Variants in CNTNAP5 observed in about 807,000 individuals in gnomAD.
CNTNAP5 encodes the protein contactin associated protein family member 5, also known as contactin-associated protein-like 5.
In CNTNAP5, 72 loss-of-function variants were observed where a neutral mutation model predicts 150.2. The ratio of observed to expected loss-of-function variants is 0.48; its 90% confidence interval spans 0.40 to 0.58. The LOEUF (loss-of-function observed/expected upper bound fraction) is 0.58, where lower values mean the gene tolerates loss of function less well. Ranked by LOEUF, CNTNAP5 falls within the 20% of genes least tolerant of loss-of-function variation. The pLI, the probability that CNTNAP5 is intolerant of heterozygous loss-of-function variation, is 0.00. For synonymous variants in CNTNAP5, 672 were observed against 619.8 expected, an observed-to-expected ratio of 1.08 and a Z score of -1.25; for missense variants, 1,636 against 1,626.2, an observed-to-expected ratio of 1.01 and a Z score of -0.10.
chr2:124,599,128 T>C (rs1216492827), intron 11 of CNTNAP5, among the ~76,000 whole-genome samples: 2 of 152,192 alleles, frequency 1.3e-5, no homozygotes, highest in Non-Finnish European at 2.9e-5. Context: ...CTGGGAGCTG[T>C]AGACCGGAGC....
At chr2:124,735,658 A>G (rs533521137) in intron 13 of CNTNAP5, among the ~76,000 whole-genome samples, 1 of 152,320 alleles carries the variant, frequency 6.6e-6, no homozygotes, top group South Asian at 2.1e-4. Flanking sequence ...TCCCTTCTCT[A>G]ATAGGACCAG....
chr2:124,242,594 A>C (rs1413480163), intron 3 of CNTNAP5, among the ~76,000 whole-genome samples: 1 of 152,054 alleles, frequency 6.6e-6, no homozygotes, highest in Non-Finnish European at 1.5e-5. Flanking sequence ...TGTCGCAAAT[A>C]GTTTAGTATG....
chr2:124,537,955 C>T (rs1453975983), intron 10 of CNTNAP5, among the ~76,000 whole-genome samples: 2 of 152,182 alleles, frequency 1.3e-5, no homozygotes, highest in East Asian at 3.9e-4. Flanking sequence ...GCCCACCAGA[C>T]GGTGGTGAGA....
At chr2:124,128,369 C>T (rs1217145228) in intron 1 of CNTNAP5, among the ~76,000 whole-genome samples, 2 of 152,184 alleles carry the variant, frequency 1.3e-5, no homozygotes, top group South Asian at 4.1e-4. Flanking sequence ...GAGATACCAT[C>T]TCATACCAGT....
chr2:124,287,628 A>G (rs1688187300), intron 3 of CNTNAP5, among the ~76,000 whole-genome samples: 2 of 152,146 alleles, frequency 1.3e-5, no homozygotes, highest in South Asian at 2.1e-4. Flanking sequence ...ACCTACCATA[A>G]TATGAGTCTG....
chr2:124,501,408 T>C (rs1357890345), intron 7 of CNTNAP5, among the ~76,000 whole-genome samples: 2 of 152,172 alleles, frequency 1.3e-5, no homozygotes, highest in African/African-American at 2.4e-5. Flanking sequence ...TTCTCGGGAA[T>C]AGGAGGAATG....
At chr2:124,499,984 A>G (rs1475099152) in intron 7 of CNTNAP5, among the ~76,000 whole-genome samples, 1 of 152,126 alleles carries the variant, frequency 6.6e-6, no homozygotes, top group African/African-American at 2.4e-5. Flanking sequence ...CCTGAGTACC[A>G]GAAGTTGTAA....
At chr2:124,642,789 T>A (rs1678120562) in intron 12 of CNTNAP5, among the ~76,000 whole-genome samples, 1 of 152,246 alleles carries the variant, frequency 6.6e-6, no homozygotes. Context: ...GAGCACTAAC[T>A]GGGCACATAT....
At chr2:124,521,446 G>T (rs991964103) in intron 8 of CNTNAP5, among the ~76,000 whole-genome samples, 1 of 152,164 alleles carries the variant, frequency 6.6e-6, no homozygotes, top group Non-Finnish European at 1.5e-5. Flanking sequence ...ACTTGAAAGA[G>T]AGACATAGAT....
chr2:124,130,620 G>C (rs1354456009), intron 1 of CNTNAP5, among the ~76,000 whole-genome samples: 1 of 151,924 alleles, frequency 6.6e-6, no homozygotes, highest in African/African-American at 2.4e-5. Context: ...GCAGTCCAGG[G>C]GTCCTCCATG....
intron 8 of CNTNAP5, among the ~76,000 whole-genome samples, chr2:124,513,186 G>A (rs777024631): frequency 6.6e-6 from 1 of 152,154 alleles, no homozygotes; most frequent in Non-Finnish European, 1.5e-5. Context: ...TGGCAGGATT[G>A]ATTTCTTCTG....
At position 124,668,960 on chromosome 2, in the gene CNTNAP5, C is replaced by G. The variant is rs531549610; in HGVS notation, c.2077+21002C>G. On this transcript the variant is annotated intron_variant, in intron 13 of 23. Transcript: ENST00000682447. ...TAAGCCTTACTCACTCACTCCTCTT[C>G]CCACTTCCAGAGGTGCCTTCTTCCT... 8.5e-5 allele frequency among the ~76,000 whole-genome samples: 13 copies of G among 152,282 alleles called. No homozygotes were observed. In the South Asian group the frequency reaches 2.5e-3, roughly 29 times the overall value.
chr2:124,380,814 T>G (rs1457903054), intron 3 of CNTNAP5, among the ~76,000 whole-genome samples: 1 of 152,190 alleles, frequency 6.6e-6, no homozygotes, highest in Non-Finnish European at 1.5e-5. Context: ...AAACAGCCTG[T>G]GCCTTCAGAA....
intron 10 of CNTNAP5, among the ~76,000 whole-genome samples, chr2:124,533,368 G>C (rs568118399): frequency 6.6e-6 from 1 of 152,278 alleles, no homozygotes; most frequent in Admixed American, 6.5e-5. Context: ...ACAAATTACT[G>C]GGGGTGGAGC....
chr2:124,727,437 T>C (rs922568750), intron 13 of CNTNAP5, among the ~76,000 whole-genome samples: 12 of 152,044 alleles, frequency 7.9e-5, no homozygotes, highest in African/African-American at 2.9e-4. Context: ...TATTAACTCA[T>C]TGAATCCATG....
intron 3 of CNTNAP5, among the ~76,000 whole-genome samples, chr2:124,377,689 A>G (rs529150929): frequency 1.8e-4 from 19 of 108,566 alleles, no homozygotes; most frequent in African/African-American, 5.9e-4. Context: ...AAGGAAAAAA[A>G]AAAGAAAAAA....
At chr2:124,709,232 CGTGT>C (rs778269827) in intron 13 of CNTNAP5, among the ~76,000 whole-genome samples, 5,342 of 138,778 alleles carry the variant, frequency 0.038, 116 homozygotes, top group African/African-American at 0.056. Flanking sequence ...TGTGTGTGTG[CGTGT>C]GTGTGTGTGT....
intron 23 of CNTNAP5, 66 bp from the exon 24 acceptor site, chr2:124,914,026 A>G (rs757189515): frequency 1.7e-6 from 2 of 1,178,564 alleles, no homozygotes; most frequent in Non-Finnish European, 2.4e-6. Context: ...TCTGGAGGGA[A>G]TCCACTCTCC....
chr2:124,819,969 C>A (rs76339372), intron 19 of CNTNAP5, among the ~76,000 whole-genome samples: 1 of 152,068 alleles, frequency 6.6e-6, no homozygotes, highest in Non-Finnish European at 1.5e-5. Context: ...GGTGAAATTG[C>A]ATATCAACTT....
Sources: allele counts gnomAD v4.1 joint callset (sites outside exome capture counted in the v4.1 genomes callset), GRCh38; gene constraint gnomAD v4.1.1; transcripts MANE v1.5; gene names NCBI Gene and HGNC (gene_info 2026-07-23, HGNC 2026-07-21).